Variants in ITGBL1 observed in about 807,000 individuals in gnomAD.
ITGBL1 encodes integrin subunit beta like 1, also known as integrin beta-like protein 1.
A neutral mutation model predicts 68.5 loss-of-function variants in ITGBL1; 51 were observed. That is an observed-to-expected ratio of 0.74 (90% CI 0.59 to 0.94). ITGBL1 has a LOEUF of 0.94. Ranked by LOEUF, ITGBL1 falls within the 40% of genes least tolerant of loss-of-function variation. The pLI is 0.00. For missense variants in ITGBL1, 649 were observed against 647.4 expected (o/e 1.00, Z -0.03); for synonymous variants, 209 against 227.3 (o/e 0.92, Z 0.72).
rs1329378993 is a variant in ITGBL1, at chr13:101,705,319, C to CA, written c.1133-1428dup. Among the ~76,000 whole-genome samples, 290 of 132,746 alleles carry CA rather than the reference C, an allele frequency of 2.2e-3. 1 individual carries two copies. Among genetic ancestry groups the CA allele is most frequent in the African/African-American group, 3.8e-3 (135 of 35,774 alleles). The allele number at this position is 132,746 out of a possible 152,430, so 87.1% of individuals were successfully genotyped here. ...AAAAAAAAAAAAAAAACAACAACAACAAAAAAAAATAGTTTTCCAAGAAAC... is the reference window on the plus strand; with the variant it reads ...AAAAAAAAAAAAAAAACAACAACAACAAAAAAAAAATAGTTTTCCAAGAAAC... On this transcript the variant is annotated intron_variant, in intron 8 of 10. Transcript: ENST00000376180.
At chr13:101,663,685 G>A (rs1248542315) in intron 7 of ITGBL1, among the ~76,000 whole-genome samples, 1 of 152,126 alleles carries the variant, frequency 6.6e-6, no homozygotes, top group Admixed American at 6.6e-5. Flanking sequence ...TGAGGCCAAG[G>A]CATCCTGGGT....
intron 5 of ITGBL1, among the ~76,000 whole-genome samples, chr13:101,581,014 T>A (rs1448785304): frequency 1.3e-5 from 2 of 152,060 alleles, no homozygotes; most frequent in African/African-American, 4.8e-5. Context: ...ATGAGTCATT[T>A]TTTTTTCTCA....
At chr13:101,644,798 G>A (rs1040513776) in intron 7 of ITGBL1, among the ~76,000 whole-genome samples, 1 of 151,988 alleles carries the variant, frequency 6.6e-6, no homozygotes, top group Non-Finnish European at 1.5e-5. Context: ...ACAAATAAAG[G>A]AATAAATTAG....
intron 2 of ITGBL1, among the ~76,000 whole-genome samples, chr13:101,561,167 A>G (rs1297082191): frequency 6.6e-6 from 1 of 152,144 alleles, no homozygotes; most frequent in Non-Finnish European, 1.5e-5. Flanking sequence ...GCCCTCGTGA[A>G]TGAGCATGAA....
At position 101,602,101 on chromosome 13, in the gene ITGBL1, A is replaced by T. The variant is rs890865359; in HGVS notation, c.1015+3802A>T. Among the ~76,000 whole-genome samples, 7 of 152,080 alleles carry T rather than the reference A, an allele frequency of 4.6e-5. 1 individual carries two copies. Among genetic ancestry groups the T allele is most frequent in the Non-Finnish European group, 5.9e-5 (4 of 67,972 alleles). On this transcript the variant is annotated intron_variant, in intron 7 of 10. Transcript: ENST00000376180. Reference sequence around the variant, plus strand: ...CTTAAGGTATGTTCAATTTCAGTTCAGTTCAGTTCAATGTTACATTAAAAA... The same window carrying T: ...CTTAAGGTATGTTCAATTTCAGTTCTGTTCAGTTCAATGTTACATTAAAAA...
intron 9 of ITGBL1, among the ~76,000 whole-genome samples, chr13:101,709,108 G>C (rs1202483862): frequency 2.0e-5 from 3 of 152,090 alleles, no homozygotes; most frequent in Non-Finnish European, 4.4e-5. Context: ...GCTCACGCCT[G>C]TAATCCCAGC....
chr13:101,597,554 T>C (rs981663529), intron 6 of ITGBL1, among the ~76,000 whole-genome samples: 1 of 151,596 alleles, frequency 6.6e-6, no homozygotes, highest in African/African-American at 2.4e-5. Flanking sequence ...GTTTTTTTTG[T>C]TTTTTTGTTT....
intron 2 of ITGBL1, among the ~76,000 whole-genome samples, chr13:101,463,031 C>T (rs1233017181): frequency 6.6e-6 from 1 of 152,124 alleles, no homozygotes; most frequent in Non-Finnish European, 1.5e-5. Flanking sequence ...GAGGTTACAA[C>T]CTCTGTTTCC....
intron 7 of ITGBL1, among the ~76,000 whole-genome samples, chr13:101,636,832 T>C (rs1441893512): frequency 6.6e-6 from 1 of 152,194 alleles, no homozygotes; most frequent in Non-Finnish European, 1.5e-5. Flanking sequence ...GAATATATTA[T>C]TTCATATTAT....
At chr13:101,462,791 C>T (rs2048335098) in intron 2 of ITGBL1, among the ~76,000 whole-genome samples, 1 of 152,178 alleles carries the variant, frequency 6.6e-6, no homozygotes, top group African/African-American at 2.4e-5. Context: ...CCATGTTGGC[C>T]AGGCTGGTCT....
intron 2 of ITGBL1, among the ~76,000 whole-genome samples, chr13:101,485,776 C>A (rs7319974): frequency 0.24 from 36,336 of 151,532 alleles, 4,780 homozygotes; most frequent in East Asian, 0.47. Flanking sequence ...TGGTCAACAG[C>A]GCGAGACTCT....
At chr13:101,640,327 G>T (rs966706735) in intron 7 of ITGBL1, among the ~76,000 whole-genome samples, 5 of 152,114 alleles carry the variant, frequency 3.3e-5, no homozygotes, top group African/African-American at 1.2e-4. Context: ...TTGGATTAAA[G>T]TTAAATTTTA....
chr13:101,510,063 A>G (rs1467423058), intron 2 of ITGBL1, among the ~76,000 whole-genome samples: 1 of 152,094 alleles, frequency 6.6e-6, no homozygotes, highest in African/African-American at 2.4e-5. Flanking sequence ...TATTTTAGAT[A>G]TAGGTGGTAC....
chr13:101,584,769 T>C (rs545849357), intron 6 of ITGBL1, among the ~76,000 whole-genome samples: 2 of 152,056 alleles, frequency 1.3e-5, no homozygotes, highest in East Asian at 3.9e-4. Flanking sequence ...TCATGACTAG[T>C]GAGTGGCTTC....
At chr13:101,595,118 C>G (rs1175104007) in intron 6 of ITGBL1, among the ~76,000 whole-genome samples, 1 of 152,032 alleles carries the variant, frequency 6.6e-6, no homozygotes, top group East Asian at 1.9e-4. Context: ...AAAAACAGGT[C>G]TATTTTGACT....
chr13:101,683,509 T>G (rs1050317327), intron 7 of ITGBL1, among the ~76,000 whole-genome samples: 22 of 152,040 alleles, frequency 1.4e-4, no homozygotes, highest in African/African-American at 5.1e-4. Context: ...CCTTTGAAGT[T>G]GCTAAGAATA....
chr13:101,606,122 A>ATG (rs1566754875), intron 7 of ITGBL1, among the ~76,000 whole-genome samples: 4 of 146,184 alleles, frequency 2.7e-5, no homozygotes, highest in Non-Finnish European at 1.5e-5. Flanking sequence ...CTATATATAT[A>ATG]TATAGCCTTC....
Position 101,544,469 on chromosome 13 carries a change from G to A in ITGBL1, c.317-23230G>A, listed in dbSNP as rs564266075. Among the ~76,000 whole-genome samples, 3 of 152,292 alleles carry A rather than the reference G, an allele frequency of 2.0e-5. No homozygotes were observed. In the East Asian group the frequency reaches 5.8e-4, roughly 29 times the overall value. ...GAGGTGTCAGTCTGCCCCTACTAGG[G>A]GGGTGCCTCCCAGCTAGGCTCCTCG... On this transcript the variant is annotated intron_variant, in intron 2 of 10. Transcript: ENST00000376180.
chr13:101,501,016 A>C (rs2048932717), intron 2 of ITGBL1, among the ~76,000 whole-genome samples: 1 of 152,196 alleles, frequency 6.6e-6, no homozygotes, highest in Non-Finnish European at 1.5e-5. Context: ...AATTATTTTA[A>C]AACAGTAAAG....
Sources: allele counts gnomAD v4.1 joint callset (sites outside exome capture counted in the v4.1 genomes callset), GRCh38; gene constraint gnomAD v4.1.1; transcripts MANE v1.5; gene names NCBI Gene and HGNC (gene_info 2026-07-23, HGNC 2026-07-21).